The following COG5 variants were observed in gnomAD, a reference collection of about 807,000 sequenced individuals.
The protein encoded by COG5 is component of oligomeric golgi complex 5.
COG5 carries 86 observed loss-of-function variants against 110.4 expected under a neutral mutation model. The ratio of observed to expected loss-of-function variants is 0.78; its 90% CI spans 0.65 to 0.93. The LOEUF (loss-of-function observed/expected upper bound fraction) is 0.93, where lower values mean the gene tolerates loss of function less well. Among genes scored for constraint, COG5 ranks in the 40% least tolerant of loss-of-function variants. COG5 has a pLI of 0.00. For missense variants in COG5, 1,077 were observed against 987.0 expected, an observed-to-expected ratio of 1.09 and a Z score of -1.22; for synonymous variants, 360 against 334.6, an observed-to-expected ratio of 1.08 and a Z score of -0.83.
rs189564116 is a variant in COG5, at chr7:107,305,842, G to A, written c.1109-7496C>T. On this transcript the variant is annotated intron_variant, in intron 11 of 21. Transcript: ENST00000297135. The stretch of plus-strand genomic sequence containing the variant: ...AAGCAAAGAAGGCAATAGAGAGACC[G>A]CCTGAGAGCAAAATGGAGGTTAAAA... Among the ~76,000 whole-genome samples the A allele has an allele frequency of 2.0e-3, 308 of 152,032 alleles. 2 individuals carry two copies. The highest frequency in any genetic ancestry group is 6.9e-3 in the African/African-American group (288 of 41,488).
At chr7:107,369,627 G>A (rs1396996242) in intron 8 of COG5, among the ~76,000 whole-genome samples, 1 of 152,138 alleles carries the variant, frequency 6.6e-6, no homozygotes, top group Admixed American at 6.5e-5. Context: ...GACCTCAAGT[G>A]ATCTGCCCAC....
intron 6 of COG5, among the ~76,000 whole-genome samples, chr7:107,467,096 C>T (rs184552986): frequency 2.2e-4 from 33 of 152,220 alleles, no homozygotes; most frequent in Admixed American, 1.8e-3. Flanking sequence ...TAGTTAGAGA[C>T]TTCCCATAGG....
At chr7:107,210,233 A>G (rs1226003299) in intron 21 of COG5, 4 of 1,258,072 alleles carry the variant, frequency 3.2e-6, no homozygotes, top group Non-Finnish European at 4.0e-6. Flanking sequence ...AACTTTTCAT[A>G]GCAAATGATG....
intron 1 of COG5, 81 bp from the exon 2 acceptor site, chr7:107,558,196 A>AAAATATGT: frequency 1.4e-6 from 2 of 1,415,438 alleles, no homozygotes; most frequent in Non-Finnish European, 2.0e-6. Flanking sequence ...AATTATAATC[A>AAAATATGT]TAATTAACAT....
At chr7:107,433,297 T>C (rs895016167) in intron 6 of COG5, among the ~76,000 whole-genome samples, 1 of 152,152 alleles carries the variant, frequency 6.6e-6, no homozygotes, top group Non-Finnish European at 1.5e-5. Flanking sequence ...GCAATCCCTA[T>C]TGAAATCCCA....
Position 107,478,400 on chromosome 7 carries a change from G to A in COG5, c.538+48837C>T, listed in dbSNP as rs549723059. Among the ~76,000 whole-genome samples the A allele has an allele frequency of 3.9e-5, 6 of 151,962 alleles. No individual in the cohort carries two copies. In the East Asian group the frequency reaches 1.2e-3, roughly 29 times the overall value. ...TCATCCTTTAACTAAAATAACAGTAGTCTCCCCTTATCCATGGTTTTACCT... is the reference window on the plus strand; with the variant it reads ...TCATCCTTTAACTAAAATAACAGTAATCTCCCCTTATCCATGGTTTTACCT... On this transcript the variant is annotated intron_variant, in intron 6 of 21. Coordinates refer to ENST00000297135, the MANE Select transcript of COG5 (RefSeq NM_006348.5).
intron 6 of COG5, among the ~76,000 whole-genome samples, chr7:107,435,236 A>G (rs1396742132): frequency 6.6e-6 from 1 of 152,202 alleles, no homozygotes; most frequent in Non-Finnish European, 1.5e-5. Context: ...TTCTACAACA[A>G]TATAAACATA....
At chr7:107,353,054 T>C (rs919078096) in intron 10 of COG5, among the ~76,000 whole-genome samples, 1 of 152,204 alleles carries the variant, frequency 6.6e-6, no homozygotes, top group Non-Finnish European at 1.5e-5. Flanking sequence ...CAACATTGAA[T>C]TTCTTAATGT....
chr7:107,307,424 A>T (rs543237498), intron 11 of COG5, among the ~76,000 whole-genome samples: 3 of 152,326 alleles, frequency 2.0e-5, no homozygotes, highest in Admixed American at 6.5e-5. Context: ...GGTTTCAAAC[A>T]TATAATGTAG....
chr7:107,323,018 A>G (rs1158232967), intron 11 of COG5, among the ~76,000 whole-genome samples: 1 of 152,206 alleles, frequency 6.6e-6, no homozygotes, highest in Non-Finnish European at 1.5e-5. Flanking sequence ...CTGCAAAAGT[A>G]CATAAAGAAA....
At position 107,203,172 on chromosome 7, in the gene COG5, A is replaced by G; in HGVS notation, c.*344T>C. On this transcript the variant is annotated 3_prime_UTR_variant, in exon 22 of 22. Transcript: ENST00000297135. ...TTGGGGGAAGCAGGGTACATGTTAT[A>G]ACTTGATCATATCCCTTTAAAAGAA... 1 of 334,054 alleles carries G rather than the reference A, an allele frequency of 3.0e-6. No homozygotes were observed. Among genetic ancestry groups the G allele is most frequent in the Non-Finnish European group, 5.7e-6 (1 of 173,922 alleles). 20.7% of individuals were successfully genotyped at this position (334,054 alleles called of 1,614,324 possible). A position where few individuals can be genotyped will look rare whatever the true frequency, so the allele number is the denominator to read the frequency against.
intron 6 of COG5, among the ~76,000 whole-genome samples, chr7:107,462,431 T>A (rs1022597257): frequency 6.6e-6 from 1 of 151,904 alleles, no homozygotes; most frequent in African/African-American, 2.4e-5. Flanking sequence ...GGTGCAGGCT[T>A]GAGGGAAGCA....
intron 6 of COG5, among the ~76,000 whole-genome samples, chr7:107,447,934 T>C (rs543846729): frequency 6.6e-6 from 1 of 152,188 alleles, no homozygotes; most frequent in Non-Finnish European, 1.5e-5. Context: ...GGTGGGTGGA[T>C]CACCTGAGTT....
At chr7:107,464,779 T>A (rs1796201586) in intron 6 of COG5, among the ~76,000 whole-genome samples, 1 of 152,134 alleles carries the variant, frequency 6.6e-6, no homozygotes, top group African/African-American at 2.4e-5. Flanking sequence ...GAGCATGATA[T>A]CAGTGAAAAT....
intron 5 of COG5, among the ~76,000 whole-genome samples, chr7:107,530,465 G>A (rs1445179150): frequency 1.3e-5 from 2 of 152,078 alleles, no homozygotes; most frequent in Non-Finnish European, 2.9e-5. Flanking sequence ...GCTGGGTGTG[G>A]TGGCATATGC....
At chr7:107,563,318 G>T (rs1459530637) in intron 1 of COG5, among the ~76,000 whole-genome samples, 1 of 152,116 alleles carries the variant, frequency 6.6e-6, no homozygotes, top group Middle Eastern at 3.4e-3. Context: ...AAACCAGCCT[G>T]TAAGAGGGGT....
intron 7 of COG5, among the ~76,000 whole-genome samples, chr7:107,393,955 G>A (rs1458614559): frequency 6.7e-6 from 1 of 149,848 alleles, no homozygotes; most frequent in African/African-American, 2.4e-5. Context: ...GGGTAGAAAA[G>A]ATATTTATTA....
At chr7:107,546,229 C>T (rs565555648) in intron 5 of COG5, among the ~76,000 whole-genome samples, 2 of 151,960 alleles carry the variant, frequency 1.3e-5, no homozygotes, top group African/African-American at 2.4e-5. Context: ...AGTTCTAAGA[C>T]GAAAGTTTAC....
At chr7:107,377,747 A>G (rs746368323) in intron 7 of COG5, among the ~76,000 whole-genome samples, 18 of 152,226 alleles carry the variant, frequency 1.2e-4, no homozygotes, top group South Asian at 1.0e-3. Context: ...TACTCTCTAG[A>G]TTCCTCCTTT....
Sources: allele counts gnomAD v4.1 joint callset (sites outside exome capture counted in the v4.1 genomes callset), GRCh38; gene constraint gnomAD v4.1.1; transcripts MANE v1.5; gene names NCBI Gene and HGNC (gene_info 2026-07-23, HGNC 2026-07-21).